MEGF6: variants seen among roughly 807,000 people sequenced by gnomAD.
The protein encoded by MEGF6 is multiple epidermal growth factor-like domains protein 6.
A neutral mutation model predicts 207.1 loss-of-function variants in MEGF6; 184 were observed. That is an observed-to-expected ratio of 0.89 (90% confidence interval 0.79 to 1.00). MEGF6 has a LOEUF of 1.00. MEGF6 is among the 50% of genes least tolerant of loss of function. The pLI is 0.00. For missense variants in MEGF6, 2,282 were observed against 2,202.9 expected, an observed-to-expected ratio of 1.04 and a Z score of -0.72; for synonymous variants, 1,038 against 910.0, an observed-to-expected ratio of 1.14 and a Z score of -2.53.
intron 4 of MEGF6, among the ~76,000 whole-genome samples, chr1:3,526,354 C>T (rs1641962689): frequency 6.6e-6 from 1 of 151,736 alleles, no homozygotes; most frequent in Non-Finnish European, 1.5e-5. Context: ...GGCATTGCCC[C>T]AGCCACCGCA....
rs539817502 is a variant in MEGF6 at position 3,543,912 on chromosome 1, C to T, written c.482-19666G>A. 1.3e-4 allele frequency among the ~76,000 whole-genome samples: 20 copies of T among 152,332 alleles called. 1 individual carries two copies. The South Asian group carries it at 3.9e-3, about 30-fold the overall frequency. ...ACCTGCCGTGCCTGGACGCCCAGCCCGCGTCAGCCCTGGAGGGGCATAAAC... is the reference window on the plus strand; with the variant it reads ...ACCTGCCGTGCCTGGACGCCCAGCCTGCGTCAGCCCTGGAGGGGCATAAAC... On this transcript the variant is annotated intron_variant, in intron 4 of 36. Transcript: ENST00000356575.
In MEGF6 at chr1:3,499,605, C is replaced by A; in HGVS notation, c.2948G>T (p.Gly983Val). 1 of 1,582,298 alleles carries A rather than the reference C, an allele frequency of 6.3e-7. No homozygotes were observed. Among genetic ancestry groups the A allele is most frequent in the Non-Finnish European group, 8.6e-7 (1 of 1,165,532 alleles). Reference sequence around the variant, plus strand: ...TCACGCACTCTCGGCACAGCGGGGGCCCCGGCGGCCAGCGGGGCAGAGGCA... The same window carrying A: ...TCACGCACTCTCGGCACAGCGGGGGACCCGGCGGCCAGCGGGGCAGAGGCA... ...GSCLCPAGRRGPRCAETCPAH... is the reference protein window; with the variant it reads ...GSCLCPAGRRVPRCAETCPAH... Residue 983 changes from glycine (G) to valine (V), a missense_variant, in exon 23 of 37, where the codon GGC becomes GTC. Gly to Val is a moderately radical substitution (Grantham distance 109, BLOSUM62 -3). Coordinates refer to ENST00000356575, the MANE Select transcript of MEGF6 (RefSeq NM_001409.4).
chr1:3,620,061 G>A, the MEGF6 span, among the ~76,000 whole-genome samples: 1 of 127,958 alleles, frequency 7.8e-6, no homozygotes, highest in South Asian at 2.7e-4. Context: ...GGAGCATTTT[G>A]TCCCTGCCCT....
chr1:3,508,556 A>G lies in MEGF6; in HGVS notation c.1660+2T>C. ...CCCCCAGCCCCTGCCCAGCTGCCTC[A>G]CTCTCATTGCAGATGAGCCCAGTCC... is the stretch of plus-strand genomic sequence containing the variant. On this transcript the variant is annotated splice_donor_variant, in intron 13 of 36. Transcript: ENST00000356575. LOFTEE classifies it high-confidence loss of function. The G allele has an allele frequency of 6.2e-7, 1 of 1,611,822 alleles. No individual in the cohort carries two copies. Among genetic ancestry groups the G allele is most frequent in the Non-Finnish European group, 8.5e-7 (1 of 1,179,102 alleles).
At chr1:3,617,917 A>C in the MEGF6 span, among the ~76,000 whole-genome samples, 1 of 152,166 alleles carries the variant, frequency 6.6e-6, no homozygotes, top group Admixed American at 6.5e-5. Flanking sequence ...GTCCTCGGTC[A>C]CTTGTTACAG....
intron 30 of MEGF6, 45 bp downstream of exon 30, chr1:3,495,845 C>A (rs751041661): frequency 6.3e-7 from 1 of 1,584,120 alleles, no homozygotes; most frequent in Admixed American, 1.7e-5. Flanking sequence ...CCAGTGACAT[C>A]TCTGTGAAGG....
At chr1:3,578,266 G>A (rs1468894245) in intron 4 of MEGF6, among the ~76,000 whole-genome samples, 2 of 152,228 alleles carry the variant, frequency 1.3e-5, no homozygotes, top group African/African-American at 4.8e-5. Context: ...GTATTTCCGC[G>A]TGAAACCAAA....
intron 1 of MEGF6, among the ~76,000 whole-genome samples, chr1:3,609,215 C>G (rs911330485): frequency 6.6e-6 from 1 of 152,196 alleles, no homozygotes. Flanking sequence ...GCCCCACCCC[C>G]GTACCAGAGC....
At position 3,489,064 on chromosome 1, in the gene MEGF6, T is replaced by C. The variant is rs987978483; in HGVS notation, c.*1464A>G. ...CCACTCACCCCATCTGCTGGATGCT[T>C]CATTTCAAGGTATGCGTTTTCCACA... On this transcript the variant is annotated 3_prime_UTR_variant, in exon 37 of 37. Coordinates refer to ENST00000356575, the MANE Select transcript of MEGF6 (RefSeq NM_001409.4). 6.6e-6 allele frequency among the ~76,000 whole-genome samples: 1 copy of C among 152,212 alleles called. No homozygotes were observed. Among genetic ancestry groups the C allele is most frequent in the Non-Finnish European group, 1.5e-5 (1 of 68,036 alleles).
chr1:3,585,948 AGGACGCATGTCCTGTGTGTGGGTGTGT>A (rs1251652714), intron 3 of MEGF6, among the ~76,000 whole-genome samples: 23,941 of 132,060 alleles, frequency 0.18, 2,994 homozygotes, highest in African/African-American at 0.3. Flanking sequence ...TGTGGGTGTG[AGGACGCATGTCCTGTGTGTGGGTGTGT>A]GGACGCATGT....
chr1:3,490,651 G>T, intron 36 of MEGF6, 62 bp from the exon 37 acceptor site: 1 of 1,552,410 alleles, frequency 6.4e-7, no homozygotes, highest in Non-Finnish European at 8.8e-7. Flanking sequence ...GAACAGACTG[G>T]GTTCTGGGTT....
At chr1:3,558,955 G>C (rs1354148056) in intron 4 of MEGF6, among the ~76,000 whole-genome samples, 1 of 152,218 alleles carries the variant, frequency 6.6e-6, no homozygotes, top group African/African-American at 2.4e-5. Context: ...GAGCCCAAGA[G>C]TTCAAGGCTG....
At chr1:3,494,213 G>A (rs1228387287) in intron 32 of MEGF6, 89 bp from the exon 33 acceptor site, 4 of 1,495,952 alleles carry the variant, frequency 2.7e-6, no homozygotes, top group Non-Finnish European at 3.6e-6. Flanking sequence ...CCAATCCAGG[G>A]GCCCGAGAAA....
chr1:3,536,878 TC>T (rs928890487), intron 4 of MEGF6, among the ~76,000 whole-genome samples: 1 of 152,170 alleles, frequency 6.6e-6, no homozygotes, highest in African/African-American at 2.4e-5. Context: ...GTGGACGAGG[TC>T]CAGCCAACAC....
intron 3 of MEGF6, among the ~76,000 whole-genome samples, chr1:3,583,072 C>G (rs1643837464): frequency 6.6e-6 from 1 of 152,206 alleles, no homozygotes; most frequent in Admixed American, 6.5e-5. Context: ...CCTGTGGATG[C>G]TCCTTGGGGA....
intron 17 of MEGF6, 127 bp from the exon 18 acceptor site, chr1:3,502,048 C>T: frequency 8.4e-7 from 1 of 1,190,306 alleles, no homozygotes; most frequent in Non-Finnish European, 1.1e-6. Context: ...AGTGTGCCCC[C>T]CCGGCGCCTC....
At chr1:3,561,553 C>T (rs1430922282) in intron 4 of MEGF6, among the ~76,000 whole-genome samples, 6 of 152,170 alleles carry the variant, frequency 3.9e-5, no homozygotes, top group Non-Finnish European at 8.8e-5. Flanking sequence ...GACCATGCAC[C>T]CCGCAGGGAC....
chr1:3,595,032 G>A (rs1644037814), intron 3 of MEGF6, among the ~76,000 whole-genome samples: 1 of 152,104 alleles, frequency 6.6e-6, no homozygotes, highest in African/African-American at 2.4e-5. Context: ...ATGAACCACA[G>A]ACACCAATGC....
chr1:3,571,852 C>T (rs1172366997), intron 4 of MEGF6, among the ~76,000 whole-genome samples: 1 of 140,472 alleles, frequency 7.1e-6, no homozygotes, highest in Non-Finnish European at 1.5e-5. Context: ...CCTGGGTGTG[C>T]TGGGTCCTCC....
Sources: gnomAD v4.1 joint callset for allele counts (sites outside exome capture counted in the v4.1 genomes callset) on GRCh38, gnomAD v4.1.1 for gene constraint, MANE v1.5 for transcripts, NCBI Gene and HGNC (gene_info 2026-07-23, HGNC 2026-07-21) for gene names.